The following NUTM1 variants were observed in gnomAD, a reference collection of about 807,000 sequenced individuals.
NUTM1 encodes NUT family member 1.
In NUTM1, 39 loss-of-function variants were observed where a neutral mutation model predicts 88.7. The observed-to-expected ratio is 0.44, with a 90% CI of 0.34 to 0.57. NUTM1 has a LOEUF of 0.57. Ranked by LOEUF, NUTM1 falls within the 20% of genes least tolerant of loss-of-function variation. The probability of loss-of-function intolerance (pLI) is 0.01; values close to 1 mark genes in which losing one functional copy is unlikely to be tolerated. For missense variants in NUTM1, 1,350 were observed against 1,414.5 expected (o/e 0.95, Z 0.73); for synonymous variants, 494 against 538.0 (o/e 0.92, Z 1.13).
chr15:34,350,768 G>T lies in NUTM1; in HGVS notation c.874G>T (p.Ala292Ser), dbSNP rs1890689639. 3 of 1,614,026 alleles carry T rather than the reference G, an allele frequency of 1.9e-6. No homozygotes were observed. Among genetic ancestry groups the T allele is most frequent in the Non-Finnish European group, 2.5e-6 (3 of 1,179,974 alleles). The part of the protein sequence containing the change: ...TMTLEEGLPL[A>S]VQEWEHTSNF... ...GACCCTGGAGGAGGGACTGCCATTG[G>T]CTGTGCAGGAGTGGGAGCACACCAG... Residue 292 changes from alanine to serine, a missense_variant, in exon 4 of 8, where the codon GCT (alanine) becomes TCT (serine). This residue lies in a region of NUTM1 where 399 missense variants were observed against 397.9 expected (regional missense o/e 1.00). Coordinates refer to ENST00000537011, the MANE Select transcript of NUTM1 (RefSeq NM_001284292.2).
chr15:34,346,822 G>A (rs1382100423), intron 2 of NUTM1, among the ~76,000 whole-genome samples: 1 of 129,582 alleles, frequency 7.7e-6, no homozygotes, highest in Non-Finnish European at 1.6e-5. Context: ...GGCGGAGGTT[G>A]CAGTGAGCTA....
intron 3 of NUTM1, among the ~76,000 whole-genome samples, chr15:34,348,973 A>G (rs1219913959): frequency 1.3e-5 from 2 of 152,194 alleles, no homozygotes; most frequent in African/African-American, 4.8e-5. Context: ...ACCAAGGACC[A>G]GTGATTGGAA....
rs397853945 is a variant in NUTM1 at position 34,351,227 on chromosome 15, CAAAAAAAAAAAAAAAAAAAAAAA to C, written c.938+410_938+432del. Among the ~76,000 whole-genome samples the C allele has an allele frequency of 8.3e-3, 285 of 34,498 alleles. 4 individuals are homozygous for C. The highest frequency in any genetic ancestry group is 0.033 in the African/African-American group (269 of 8,070). The allele number at this position is 34,498 out of a possible 152,430, so 22.6% of individuals were successfully genotyped here. A position where few individuals can be genotyped will look rare whatever the true frequency, so the allele number is the denominator to read the frequency against. On this transcript the variant is annotated intron_variant, in intron 4 of 7. Transcript: ENST00000537011. Reference sequence around the variant, plus strand: ...TGGGTGACAGAGCAAGACTCCATCTCAAAAAAAAAAAAAAAAAAAAAAAAAAAAAAAAAAAAAGGGATGTTAGG... The same window carrying C: ...TGGGTGACAGAGCAAGACTCCATCTCAAAAAAAAAAAAAAGGGATGTTAGG...
intron 2 of NUTM1, among the ~76,000 whole-genome samples, chr15:34,347,733 G>A (rs1398021718): frequency 6.6e-6 from 1 of 152,022 alleles, no homozygotes; most frequent in Non-Finnish European, 1.5e-5. Context: ...GGCGTCTGTA[G>A]TCCCAGCTAC....
chr15:34,350,876 C>T (rs1890692599), intron 4 of NUTM1, 44 bp downstream of exon 4: 1 of 1,611,750 alleles, frequency 6.2e-7, no homozygotes, highest in African/African-American at 1.3e-5. Flanking sequence ...GGCTGTGTGG[C>T]TGAGAGCAGT....
In NUTM1 at chr15:34,357,499, C is replaced by T. The variant is rs199671759; in HGVS notation, c.*8C>T. 4.9e-5 allele frequency: 79 copies of T among 1,612,166 alleles called. 1 individual carries two copies. Among genetic ancestry groups the T allele is most frequent in the East Asian group, 4.0e-4 (18 of 44,872 alleles). ...CGACGTCGTAGCCAGTAGGGAGCAG[C>T]GGGACCATCTGACCCCACTTGCCAG... On this transcript the variant is annotated 3_prime_UTR_variant, in exon 8 of 8. Transcript: ENST00000537011.
Position 34,356,474 on chromosome 15 carries a change from A to G in NUTM1, c.2466A>G (p.Ala822=). ...TTCCCTGTGGAGGCACAGTTGCGGC[A>G]GCTGCCCTAGAAAAGAGAAACTATT... The part of the protein sequence containing the change: ...SVIPCGGTVA[A]AALEKRNYCS... The change falls in exon 8 of 8, where the codon GCA becomes GCG. Residue 822 remains alanine, a synonymous_variant. Transcript: ENST00000537011. 2 of 1,613,394 alleles carry G rather than the reference A, an allele frequency of 1.2e-6. No individual in the cohort carries two copies. The highest frequency in any genetic ancestry group is 3.3e-5 in the Admixed American group (2 of 59,964).
chr15:34,352,877 CTTTTTTTTTTTTTT>C (rs778786955), intron 4 of NUTM1, among the ~76,000 whole-genome samples: 1 of 52,804 alleles, frequency 1.9e-5, no homozygotes, highest in Non-Finnish European at 3.4e-5. Flanking sequence ...TCATTCTTAA[CTTTTTTTTTTTTTT>C]TTTTTTTTTT....
At chr15:34,349,459 A>G (rs1890667960) in intron 3 of NUTM1, among the ~76,000 whole-genome samples, 1 of 152,230 alleles carries the variant, frequency 6.6e-6, no homozygotes, top group South Asian at 2.1e-4. Flanking sequence ...GAAGAGGAAA[A>G]GAACTCGCAA....
rs773226643 is a variant in NUTM1, at chr15:34,348,026, C to A, written c.158C>A (p.Ser53Tyr). The A allele has an allele frequency of 2.7e-5, 43 of 1,613,858 alleles. No homozygotes were observed. Among genetic ancestry groups the A allele is most frequent in the Non-Finnish European group, 3.3e-5 (39 of 1,179,918 alleles). ...AAACCTAGTGCCGCCCCGTCTCCAT[C>A]CCCTGCACTTCCCTTTCTCCCACCA... is the stretch of plus-strand genomic sequence containing the variant. ...SMKPSAAPSP[S>Y]PALPFLPPTS... is the part of the protein sequence containing the mutation. Residue 53 changes from serine to tyrosine, a missense_variant, in exon 3 of 8, where the codon TCC becomes TAC. Transcript: ENST00000537011.
At chr15:34,350,975 T>C (rs941665331) in intron 4 of NUTM1, 143 bp downstream of exon 4, 1 of 1,040,652 alleles carries the variant, frequency 9.6e-7, no homozygotes, top group Non-Finnish European at 1.4e-6. Context: ...TCCCACCACT[T>C]TGGGAGGCCA....
chr15:34,347,244 G>A (rs1890609446), intron 2 of NUTM1, among the ~76,000 whole-genome samples: 1 of 150,122 alleles, frequency 6.7e-6, no homozygotes, highest in East Asian at 2.0e-4. Context: ...ATAGCGAGAC[G>A]TCATCTCTAC....
At chr15:34,348,836 A>G (rs1036886439) in intron 3 of NUTM1, among the ~76,000 whole-genome samples, 159 bp downstream of exon 3, 1 of 152,200 alleles carries the variant, frequency 6.6e-6, no homozygotes. Flanking sequence ...AATAATAATC[A>G]GCCTCTTAAC....
Position 34,353,862 on chromosome 15 carries a change from C to A in NUTM1, c.1065C>A (p.Cys355Ter), listed in dbSNP as rs759860523. The A allele has an allele frequency of 9.9e-6, 16 of 1,613,340 alleles. No individual in the cohort carries two copies. Among genetic ancestry groups the A allele is most frequent in the Non-Finnish European group, 1.3e-5 (15 of 1,180,010 alleles). Residue 355 changes from cysteine (C) to a stop codon, truncating the protein, a stop_gained, in exon 5 of 8, where the codon TGC becomes TGA. Transcript: ENST00000537011. LOFTEE classifies it high-confidence loss of function. ...DPLGPLASEV[C>*]QQPVYIPKKA... is the part of the protein sequence containing the mutation. ...TAGGGCCCCTGGCCTCTGAGGTTTG[C>A]CAGCAGCCAGGTGAGGCTACCCAAT...
At chr15:34,346,781 G>A (rs1209230929) in intron 2 of NUTM1, among the ~76,000 whole-genome samples, 1 of 145,200 alleles carries the variant, frequency 6.9e-6, no homozygotes, top group Admixed American at 7.0e-5. Flanking sequence ...TACTTGCGGG[G>A]CTGAGGCAGG....
intron 5 of NUTM1, 111 bp from the exon 6 acceptor site, chr15:34,354,335 G>A (rs1890759583): frequency 3.4e-6 from 4 of 1,191,406 alleles, no homozygotes; most frequent in South Asian, 2.5e-5. Flanking sequence ...TGTGGTTTCT[G>A]TGCTACTTCC....
intron 3 of NUTM1, 101 bp from the exon 4 acceptor site, chr15:34,350,603 T>G (rs1316811909): frequency 1.9e-5 from 27 of 1,435,108 alleles, no homozygotes; most frequent in Non-Finnish European, 2.4e-5. Flanking sequence ...AGGGGCACAA[T>G]AGATTTGATG....
At position 34,348,534 on chromosome 15, in the gene NUTM1, T is replaced by A; in HGVS notation, c.666T>A (p.Thr222=). 1 of 1,614,126 alleles carries A rather than the reference T, an allele frequency of 6.2e-7. No homozygotes were observed. Among genetic ancestry groups the A allele is most frequent in the Non-Finnish European group, 8.5e-7 (1 of 1,180,008 alleles). Residue 222 remains threonine (T), a synonymous_variant, in exon 3 of 8, where the codon ACT becomes ACA. Coordinates refer to ENST00000537011, the MANE Select transcript of NUTM1 (RefSeq NM_001284292.2). The part of the protein sequence containing the change: ...GTTGEGGPVA[T]LSKPSLGDRS... ...CCGGGGAAGGAGGTCCTGTGGCCAC[T>A]CTATCCAAGCCTTCCCTAGGTGACC...
At chr15:34,345,892 C>G (rs1890576199) in intron 1 of NUTM1, 50 bp from the exon 2 acceptor site, 1 of 1,605,468 alleles carries the variant, frequency 6.2e-7, no homozygotes, top group Non-Finnish European at 8.5e-7. Context: ...TCTGTGTGAT[C>G]TGATCTTTAC....
Sources: allele counts gnomAD v4.1 joint callset (sites outside exome capture counted in the v4.1 genomes callset), GRCh38; gene constraint gnomAD v4.1.1; regional missense constraint gnomAD v4.1.1; transcripts MANE v1.5; gene names NCBI Gene and HGNC (gene_info 2026-07-23, HGNC 2026-07-21).